Variants in TRPC4 observed in about 807,000 individuals in gnomAD.
TRPC4 encodes transient receptor potential cation channel subfamily C member 4, also known as short transient receptor potential channel 4.
TRPC4 carries 49 observed loss-of-function variants against 99.4 expected under a neutral mutation model. The observed-to-expected ratio is 0.49, with a 90% CI of 0.39 to 0.63. TRPC4 has a LOEUF of 0.63. Among genes scored for constraint, TRPC4 ranks in the 20% least tolerant of loss-of-function variants. The probability of loss-of-function intolerance (pLI) is 0.00; values close to 1 mark genes in which losing one functional copy is unlikely to be tolerated. For missense variants in TRPC4, 898 were observed against 1,152.9 expected, an observed-to-expected ratio of 0.78 and a Z score of 3.20; for synonymous variants, 454 against 425.9, an observed-to-expected ratio of 1.07 and a Z score of -0.81.
chr13:37,687,515 C>A (rs67605771), intron 4 of TRPC4, among the ~76,000 whole-genome samples: 6,021 of 152,228 alleles, frequency 0.04, 137 homozygotes, highest in Middle Eastern at 0.071. Flanking sequence ...TACGTATTAT[C>A]TTCAGAAACA....
chr13:37,705,609 A>G (rs1954247951), intron 3 of TRPC4, among the ~76,000 whole-genome samples: 1 of 152,138 alleles, frequency 6.6e-6, no homozygotes, highest in Non-Finnish European at 1.5e-5. Context: ...ACAAAAAGAA[A>G]ATCGTATGCA....
At chr13:37,734,642 C>T (rs1310833352) in intron 3 of TRPC4, among the ~76,000 whole-genome samples, 3 of 151,926 alleles carry the variant, frequency 2.0e-5, no homozygotes, top group African/African-American at 7.3e-5. Flanking sequence ...CTATGTGCCC[C>T]AGGAATAAGT....
chr13:37,771,580 T>C (rs1413072114), intron 2 of TRPC4, among the ~76,000 whole-genome samples: 1 of 146,012 alleles, frequency 6.8e-6, no homozygotes, highest in East Asian at 2.0e-4. Flanking sequence ...TGTGTGTGTG[T>C]GTGTGTGTGA....
chr13:37,849,774 C>T lies in TRPC4; in HGVS notation c.-28+19821G>A, dbSNP rs181094721. ...TTACTTGATCAGGCTGGAGCTGAGA[C>T]CGTGCTGTGTTGGGAGCCAATCATG... On this transcript the variant is annotated intron_variant, in intron 1 of 10. Coordinates refer to ENST00000379705, the MANE Select transcript of TRPC4 (RefSeq NM_016179.4). 2.1e-4 allele frequency among the ~76,000 whole-genome samples: 32 copies of T among 152,296 alleles called. 1 individual carries two copies. Among genetic ancestry groups the T allele is most frequent in the Admixed American group, 2.0e-3 (31 of 15,284 alleles).
chr13:37,737,206 C>A (rs1955423177), intron 3 of TRPC4, among the ~76,000 whole-genome samples: 1 of 149,152 alleles, frequency 6.7e-6, no homozygotes, highest in Non-Finnish European at 1.5e-5. Context: ...TATTGGGGAC[C>A]CAGGAACAGA....
chr13:37,744,022 G>A (rs1046464496), intron 3 of TRPC4, among the ~76,000 whole-genome samples: 1 of 152,136 alleles, frequency 6.6e-6, no homozygotes, highest in African/African-American at 2.4e-5. Flanking sequence ...GGCTGCTTCT[G>A]CATTCTCTGT....
intron 1 of TRPC4, among the ~76,000 whole-genome samples, chr13:37,810,790 T>C (rs1381871122): frequency 6.6e-6 from 1 of 152,096 alleles, no homozygotes; most frequent in African/African-American, 2.4e-5. Context: ...TTCCTATTTC[T>C]TATACCCATC....
intron 1 of TRPC4, among the ~76,000 whole-genome samples, chr13:37,835,650 A>G (rs969808355): frequency 6.6e-6 from 1 of 152,208 alleles, no homozygotes; most frequent in Non-Finnish European, 1.5e-5. Flanking sequence ...TGACAAAGAA[A>G]GATAAAAGGT....
chr13:37,774,401 G>A (rs1956642738), intron 2 of TRPC4, among the ~76,000 whole-genome samples: 2 of 151,682 alleles, frequency 1.3e-5, no homozygotes, highest in Admixed American at 1.3e-4. Context: ...TTTAGAAATT[G>A]ATTAAAAAAC....
intron 1 of TRPC4, among the ~76,000 whole-genome samples, chr13:37,833,040 G>T (rs1958465437): frequency 6.6e-6 from 1 of 151,976 alleles, no homozygotes; most frequent in East Asian, 1.9e-4. Flanking sequence ...TTTCCTTGCT[G>T]CACTCTGCCA....
At chr13:37,784,924 T>C (rs1043088853) in intron 1 of TRPC4, among the ~76,000 whole-genome samples, 2 of 152,088 alleles carry the variant, frequency 1.3e-5, no homozygotes, top group Non-Finnish European at 2.9e-5. Flanking sequence ...ACAACTGGTA[T>C]CTCTCTGGCA....
chr13:37,753,832 C>A (rs767834375), intron 2 of TRPC4, among the ~76,000 whole-genome samples: 3 of 152,102 alleles, frequency 2.0e-5, no homozygotes, highest in Non-Finnish European at 4.4e-5. Flanking sequence ...TTTCAGAGAA[C>A]CCTTGCATCC....
chr13:37,780,703 C>T (rs1279860633), intron 2 of TRPC4, among the ~76,000 whole-genome samples: 2 of 152,076 alleles, frequency 1.3e-5, no homozygotes, highest in African/African-American at 4.8e-5. Flanking sequence ...ACGGCCCAAG[C>T]ACTGAGGCCA....
At chr13:37,799,257 C>T (rs889178377) in intron 1 of TRPC4, among the ~76,000 whole-genome samples, 6 of 152,056 alleles carry the variant, frequency 3.9e-5, no homozygotes, top group African/African-American at 1.4e-4. Flanking sequence ...TCTTTAACAC[C>T]AACACCTGGT....
chr13:37,791,318 C>A (rs555177452), intron 1 of TRPC4, among the ~76,000 whole-genome samples: 315 of 149,796 alleles, frequency 2.1e-3, no homozygotes, highest in Non-Finnish European at 2.4e-3. Flanking sequence ...ATCGCTTGAA[C>A]CTGGGAGGTG....
intron 3 of TRPC4, among the ~76,000 whole-genome samples, chr13:37,718,901 C>G (rs950793204): frequency 4.6e-5 from 7 of 151,854 alleles, no homozygotes; most frequent in African/African-American, 1.5e-4. Context: ...TGTTGAAATA[C>G]ATAAATTTAC....
At chr13:37,670,314 G>A (rs780425832) in intron 5 of TRPC4, among the ~76,000 whole-genome samples, 7 of 152,162 alleles carry the variant, frequency 4.6e-5, no homozygotes, top group Non-Finnish European at 8.8e-5. Flanking sequence ...TTTCTGAAAA[G>A]AACAATTATA....
intron 1 of TRPC4, among the ~76,000 whole-genome samples, chr13:37,830,639 G>T (rs952583336): frequency 6.6e-6 from 1 of 151,444 alleles, no homozygotes; most frequent in African/African-American, 2.4e-5. Context: ...TTGAACCTGG[G>T]AGGCAGAGGT....
intron 2 of TRPC4, among the ~76,000 whole-genome samples, chr13:37,779,291 C>T (rs9548046): frequency 0.52 from 78,946 of 151,644 alleles, 21,076 homozygotes; most frequent in East Asian, 0.78. Flanking sequence ...AATAAGGTAT[C>T]AAGAAGGTTA....
Sources: gnomAD v4.1 joint callset for allele counts (sites outside exome capture counted in the v4.1 genomes callset) on GRCh38, gnomAD v4.1.1 for gene constraint, MANE v1.5 for transcripts, NCBI Gene and HGNC (gene_info 2026-07-23, HGNC 2026-07-21) for gene names.